Variants in RYR2 observed in about 807,000 individuals in gnomAD.
RYR2 encodes ryanodine receptor 2.
RYR2 carries 227 observed loss-of-function variants against 601.1 expected under a neutral mutation model. That is an observed-to-expected ratio of 0.38 (90% CI 0.34 to 0.42). The LOEUF (loss-of-function observed/expected upper bound fraction) is 0.42. Among genes scored for constraint, RYR2 ranks in the 10% least tolerant of loss-of-function variants. The pLI is 1.00. For synonymous variants in RYR2, 2,223 were observed against 2,175.1 expected, an observed-to-expected ratio of 1.02 and a Z score of -0.61; for missense variants, 4,646 against 6,156.5, an observed-to-expected ratio of 0.75 and a Z score of 8.21.
intron 1 of RYR2, among the ~76,000 whole-genome samples, chr1:237,229,164 C>T (rs1558462578): frequency 6.6e-6 from 1 of 152,126 alleles, no homozygotes; most frequent in African/African-American, 2.4e-5. Context: ...GTGGGCAGTG[C>T]TTTGCTTACC....
intron 1 of RYR2, among the ~76,000 whole-genome samples, chr1:237,245,788 T>G (rs933082982): frequency 6.6e-6 from 1 of 152,200 alleles, no homozygotes; most frequent in African/African-American, 2.4e-5. Flanking sequence ...TGTTTTTTCT[T>G]TTTATTTTTT....
At chr1:237,101,316 A>C (rs1383688475) in intron 1 of RYR2, among the ~76,000 whole-genome samples, 1 of 143,022 alleles carries the variant, frequency 7.0e-6, no homozygotes, top group African/African-American at 2.5e-5. Context: ...AAAAAAAAAA[A>C]AAAAAAAACC....
At chr1:237,595,753 A>T (rs1675828986) in intron 34 of RYR2, 96 bp downstream of exon 34, 1 of 1,393,248 alleles carries the variant, frequency 7.2e-7, no homozygotes, top group Non-Finnish European at 9.5e-7. Flanking sequence ...AGTAAAATAG[A>T]CACATGTACA....
chr1:237,109,900 T>C (rs1478243444), intron 1 of RYR2, among the ~76,000 whole-genome samples: 1 of 151,958 alleles, frequency 6.6e-6, no homozygotes, highest in Non-Finnish European at 1.5e-5. Context: ...CCTGGCTTTG[T>C]GCACCGAGAA....
intron 1 of RYR2, among the ~76,000 whole-genome samples, chr1:237,174,203 G>C (rs1558367796): frequency 1.3e-5 from 2 of 152,188 alleles, no homozygotes; most frequent in Admixed American, 6.5e-5. Flanking sequence ...TATTTAAACA[G>C]AAGGTGTATA....
intron 36 of RYR2, among the ~76,000 whole-genome samples, chr1:237,613,278 G>A (rs768293982): frequency 8.5e-5 from 13 of 152,116 alleles, no homozygotes; most frequent in African/African-American, 3.1e-4. Context: ...TTTGGTCAGC[G>A]GGGGTGGTTT....
chr1:237,137,566 A>T (rs1442519140), intron 1 of RYR2, among the ~76,000 whole-genome samples: 1 of 152,206 alleles, frequency 6.6e-6, no homozygotes, highest in African/African-American at 2.4e-5. Flanking sequence ...GTAGCAAATG[A>T]TGTTTCTCGA....
intron 41 of RYR2, among the ~76,000 whole-genome samples, chr1:237,628,536 C>T (rs969396265): frequency 6.6e-6 from 1 of 151,956 alleles, no homozygotes; most frequent in African/African-American, 2.4e-5. Flanking sequence ...CATGTCCCTA[C>T]AAAGGACATG....
At position 237,254,506 on chromosome 1, in the gene RYR2, G is replaced by T. The variant is rs1572372933; in HGVS notation, c.49-15991G>T. On this transcript the variant is annotated intron_variant, in intron 1 of 104. Coordinates refer to ENST00000366574, the MANE Select transcript of RYR2 (RefSeq NM_001035.3). ...ACTTAACATGGAATAATCGTACACA[G>T]TGGTTTTCTTTTCAGAATTTTAACA... Among the ~76,000 whole-genome samples the T allele has an allele frequency of 4.6e-5, 7 of 152,154 alleles. No homozygotes were observed. In the South Asian group the frequency reaches 1.4e-3, roughly 32 times the overall value.
At chr1:237,606,256 C>A (rs1380814602) in intron 35 of RYR2, among the ~76,000 whole-genome samples, 1 of 151,988 alleles carries the variant, frequency 6.6e-6, no homozygotes, top group Non-Finnish European at 1.5e-5. Flanking sequence ...CCCTCAGAAA[C>A]AACACCACAC....
chr1:237,728,882 A>G (rs1690435567), intron 76 of RYR2, among the ~76,000 whole-genome samples: 1 of 152,094 alleles, frequency 6.6e-6, no homozygotes, highest in Non-Finnish European at 1.5e-5. Context: ...GCAAACCACC[A>G]TGGCACATGT....
intron 1 of RYR2, among the ~76,000 whole-genome samples, chr1:237,074,231 C>G (rs565857284): frequency 2.0e-5 from 3 of 152,116 alleles, no homozygotes; most frequent in African/African-American, 7.2e-5. Context: ...GCAGGAGGAC[C>G]ATTTGAGCCC....
At chr1:237,274,143 A>G (rs1690015668) in intron 2 of RYR2, among the ~76,000 whole-genome samples, 1 of 148,624 alleles carries the variant, frequency 6.7e-6, no homozygotes, top group South Asian at 2.1e-4. Context: ...TATGATAACT[A>G]TATATTTCTA....
chr1:237,521,613 G>A (rs979095804), intron 24 of RYR2, among the ~76,000 whole-genome samples: 2 of 151,698 alleles, frequency 1.3e-5, no homozygotes, highest in Non-Finnish European at 2.9e-5. Flanking sequence ...CCAGCTGCTC[G>A]GGAGGCTGAG....
At chr1:237,489,253 C>T (rs758982691) in intron 17 of RYR2, among the ~76,000 whole-genome samples, 1 of 152,140 alleles carries the variant, frequency 6.6e-6, no homozygotes, top group Admixed American at 6.5e-5. Context: ...GACAGACAAG[C>T]AGCCAACAAA....
chr1:237,516,399 G>A lies in RYR2; in HGVS notation c.2822+4608G>A, dbSNP rs556312039. ...CTCTCAGAATGCTGGGATTGCAGGC[G>A]TGAGCCACTGTGCCTGGCCAATCTT... On this transcript the variant is annotated intron_variant, in intron 24 of 104. Transcript: ENST00000366574. Among the ~76,000 whole-genome samples, 35 of 152,234 alleles carry A rather than the reference G, an allele frequency of 2.3e-4. No homozygotes were observed. The East Asian group carries it at 5.6e-3, about 24-fold the overall frequency.
At chr1:237,625,051 TA>T (rs1157294693) in intron 39 of RYR2, among the ~76,000 whole-genome samples, 5 of 150,354 alleles carry the variant, frequency 3.3e-5, no homozygotes, top group South Asian at 4.2e-4. Context: ...TGTATATATA[TA>T]TTTTTTTTTT....
intron 1 of RYR2, among the ~76,000 whole-genome samples, chr1:237,196,085 T>A (rs1680528036): frequency 6.6e-6 from 1 of 152,176 alleles, no homozygotes; most frequent in East Asian, 1.9e-4. Flanking sequence ...TTATAAGAAA[T>A]CATTAATTAC....
chr1:237,588,423 T>C (rs1460591446), intron 29 of RYR2, among the ~76,000 whole-genome samples: 1 of 152,192 alleles, frequency 6.6e-6, no homozygotes, highest in Non-Finnish European at 1.5e-5. Flanking sequence ...GTTGGCTTAT[T>C]CTTAGGATCC....
Sources: allele counts gnomAD v4.1 joint callset (sites outside exome capture counted in the v4.1 genomes callset), GRCh38; gene constraint gnomAD v4.1.1; transcripts MANE v1.5; gene names NCBI Gene and HGNC (gene_info 2026-07-23, HGNC 2026-07-21).